VPS11: variants seen among roughly 807,000 people sequenced by gnomAD.
VPS11 encodes vacuolar protein sorting-associated protein 11 homolog.
VPS11 carries 51 observed loss-of-function variants against 106.8 expected under a neutral mutation model. That is an observed-to-expected ratio of 0.48 (90% CI 0.38 to 0.60). The LOEUF (loss-of-function observed/expected upper bound fraction) is 0.60. Among genes scored for constraint, VPS11 ranks in the 20% least tolerant of loss-of-function variants. The probability of loss-of-function intolerance (pLI) is 0.00; values close to 1 mark genes in which losing one functional copy is unlikely to be tolerated. For synonymous variants in VPS11, 453 were observed against 458.7 expected, an observed-to-expected ratio of 0.99 and a Z score of 0.16; for missense variants, 950 against 1,190.0, an observed-to-expected ratio of 0.80 and a Z score of 2.97.
Position 119,074,606 on chromosome 11 carries a change from C to T in VPS11, c.1238+655C>T, listed in dbSNP as rs185992354. 7.9e-3 allele frequency among the ~76,000 whole-genome samples: 1,204 copies of T among 151,986 alleles called. 8 individuals carry two copies. Among genetic ancestry groups the T allele is most frequent in the Middle Eastern group, 0.038 (11 of 292 alleles). On this transcript the variant is annotated intron_variant, in intron 7 of 15. Coordinates refer to ENST00000621676, the MANE Select transcript of VPS11 (RefSeq NM_021729.6). Reference sequence around the variant, plus strand: ...TTTTAGTAGAGACGGGGTTTCACCACGTTCTCTAGGCTGGTCTCGAACTCC... The same window carrying T: ...TTTTAGTAGAGACGGGGTTTCACCATGTTCTCTAGGCTGGTCTCGAACTCC...
chr11:119,078,514 C>A, intron 11 of VPS11, 51 bp from the exon 12 acceptor site: 1 of 1,596,596 alleles, frequency 6.3e-7, no homozygotes, highest in Non-Finnish European at 8.6e-7. Flanking sequence ...TCCCAAGAGA[C>A]CTTGTGATTT....
At position 119,078,724 on chromosome 11, in the gene VPS11, C is replaced by T. The variant is rs782488332; in HGVS notation, c.2063+20C>T. On this transcript the variant is annotated intron_variant, in intron 12 of 15. Coordinates refer to ENST00000621676, the MANE Select transcript of VPS11 (RefSeq NM_021729.6). ...GAAGCTGTAAGAGTTTGGGGAATTT[C>T]AGGGAAAGGGGAAGAATCCAAGTCA... The T allele has an allele frequency of 6.8e-6, 11 of 1,609,516 alleles. 1 individual carries two copies. The South Asian group carries it at 9.9e-5, about 15-fold the overall frequency.
intron 5 of VPS11, chr11:119,072,435 G>A (rs1945434599): frequency 1.3e-5 from 2 of 154,208 alleles, no homozygotes; most frequent in Non-Finnish European, 2.9e-5. Context: ...CTATTGCCCA[G>A]GCTGGAGTGC....
At position 119,067,968 on chromosome 11, in the gene VPS11, A is replaced by T; in HGVS notation, c.145A>T (p.Ile49Phe). The T allele has an allele frequency of 1.2e-6, 2 of 1,612,982 alleles. No individual in the cohort carries two copies. The highest frequency in any genetic ancestry group is 1.7e-6 in the Non-Finnish European group (2 of 1,179,484). ...CAAGTTCCTTTGCCTCCCTCCTGGC[A>T]TCACTGTCTGCGACTCAGGCCGAGG... is the stretch of plus-strand genomic sequence containing the variant. ...ASKFLCLPPG[I>F]TVCDSGRGSL... Residue 49 changes from isoleucine to phenylalanine, a missense_variant, in exon 1 of 16, where the codon ATC (isoleucine) becomes TTC (phenylalanine). This residue lies in a region of VPS11 where 435 missense variants were observed against 630.2 expected (regional missense o/e 0.69). Transcript: ENST00000621676.
At position 119,068,443 on chromosome 11, in the gene VPS11, C is replaced by CTTTTTTTTTTTTTTT. The variant is rs1945208004; in HGVS notation, c.187+433_187+434insTTTTTTTTTTTTTTT. Reference sequence around the variant, plus strand: ...CTGCTACTAAATTCTGGCCTTTTTACCTTTTTTTTTTTTTTTTTTTTTTTG... The same window carrying CTTTTTTTTTTTTTTT: ...CTGCTACTAAATTCTGGCCTTTTTACTTTTTTTTTTTTTTTCTTTTTTTTTTTTTTTTTTTTTTTG... On this transcript the variant is annotated intron_variant, in intron 1 of 15. Coordinates refer to ENST00000621676, the MANE Select transcript of VPS11 (RefSeq NM_021729.6). 8.4e-5 allele frequency among the ~76,000 whole-genome samples: 3 copies of CTTTTTTTTTTTTTTT among 35,810 alleles called. 1 individual carries two copies. Among genetic ancestry groups the CTTTTTTTTTTTTTTT allele is most frequent in the Admixed American group, 4.2e-4 (1 of 2,384 alleles). The allele number at this position is 35,810 out of a possible 152,430, so 23.5% of individuals were successfully genotyped here.
rs782599678 is a variant in VPS11 at position 119,078,921 on chromosome 11, G to A, written c.2190G>A (p.Lys730=). The A allele has an allele frequency of 1.2e-6, 2 of 1,614,058 alleles. No homozygotes were observed. Among genetic ancestry groups the A allele is most frequent in the Non-Finnish European group, 1.7e-6 (2 of 1,179,900 alleles). ...WEQALSYFAR[K]EEDCKEYVAA... ...AGGCCCTCAGCTACTTCGCTCGCAA[G>A]GAGGAGGACTGCAAGGAGTATGTGG... The change falls in exon 13 of 16, where the codon AAG becomes AAA. Residue 730 remains lysine (K), a synonymous_variant. Coordinates refer to ENST00000621676, the MANE Select transcript of VPS11 (RefSeq NM_021729.6).
At chr11:119,078,429 G>T (rs1945719292) in intron 11 of VPS11, 95 bp downstream of exon 11, 1 of 1,573,406 alleles carries the variant, frequency 6.4e-7, no homozygotes, top group Admixed American at 1.7e-5. Flanking sequence ...CCTTAGACCA[G>T]TAACACCTTA....
At chr11:119,073,511 T>A in intron 6 of VPS11, 112 bp downstream of exon 6, 1 of 1,313,614 alleles carries the variant, frequency 7.6e-7, no homozygotes. Context: ...GTCACAGCCT[T>A]ACTCAGCTTC....
At chr11:119,069,143 G>C (rs1164052068) in intron 1 of VPS11, 53 bp from the exon 2 acceptor site, 2 of 1,605,560 alleles carry the variant, frequency 1.2e-6, no homozygotes, top group Non-Finnish European at 1.7e-6. Flanking sequence ...CTGAGTTCTG[G>C]TCTGAATGTA....
rs555370311 is a variant in VPS11, at chr11:119,075,915, G to GATA, written c.1239-965_1239-963dup. On this transcript the variant is annotated intron_variant, in intron 7 of 15. Coordinates refer to ENST00000621676, the MANE Select transcript of VPS11 (RefSeq NM_021729.6). ...AGACTCTATCAAAAAAATAATAGTA[G>GATA]ATAATAATAATAATAATAAATAAAT... Among the ~76,000 whole-genome samples, 476 of 133,468 alleles carry GATA rather than the reference G, an allele frequency of 3.6e-3. 2 individuals are homozygous for GATA. Among genetic ancestry groups the GATA allele is most frequent in the South Asian group, 0.017 (70 of 4,044 alleles). The allele number at this position is 133,468 out of a possible 152,430, so 87.6% of individuals were successfully genotyped here.
At chr11:119,072,191 C>G in intron 5 of VPS11, 1 of 242,342 alleles carries the variant, frequency 4.1e-6, no homozygotes, top group South Asian at 5.5e-5. Flanking sequence ...GTGTCAGACT[C>G]CTGACCTCAA....
intron 1 of VPS11, 133 bp from the exon 2 acceptor site, chr11:119,069,063 C>T (rs4938622): frequency 6.8e-6 from 7 of 1,033,368 alleles, no homozygotes; most frequent in African/African-American, 1.6e-5. Flanking sequence ...CCTGGCCTCA[C>T]TCTTTTTAAG....
intron 4 of VPS11, among the ~76,000 whole-genome samples, chr11:119,071,345 A>T (rs1455830717): frequency 1.3e-5 from 2 of 152,202 alleles, no homozygotes; most frequent in African/African-American, 4.8e-5. Flanking sequence ...AAAGTAGTAG[A>T]TTATTACATT....
intron 11 of VPS11, 38 bp downstream of exon 11, chr11:119,078,372 C>A: frequency 1.3e-6 from 2 of 1,599,836 alleles, no homozygotes; most frequent in East Asian, 4.5e-5. Context: ...AAAGACAGTT[C>A]GTGCCGTCTC....
At chr11:119,071,950 T>C (rs1463271912) in intron 5 of VPS11, 107 bp downstream of exon 5, 51 of 1,396,270 alleles carry the variant, frequency 3.7e-5, no homozygotes, top group Non-Finnish European at 3.5e-5. Flanking sequence ...CTACTCCTAC[T>C]CCGGTGTTAT....
Position 119,069,507 on chromosome 11 carries a change from T to A in VPS11, c.402T>A (p.Ala134=). 1 of 1,614,038 alleles carries A rather than the reference T, an allele frequency of 6.2e-7. No individual in the cohort carries two copies. The highest frequency in any genetic ancestry group is 1.1e-5 in the South Asian group (1 of 91,088). The change falls in exon 3 of 16, where the codon GCT becomes GCA. Residue 134 remains alanine (A), a synonymous_variant. Transcript: ENST00000621676. ...CACTCTGCACTCGAATCTTCCCTGC[T>A]ATTCCAGGAACAGAGCCAACTGTTG... The part of the protein sequence containing the change: ...GNPLCTRIFP[A]IPGTEPTVVS...
intron 5 of VPS11, 152 bp from the exon 6 acceptor site, chr11:119,073,046 C>T (rs538363905): frequency 5.0e-6 from 4 of 806,932 alleles, no homozygotes; most frequent in Non-Finnish European, 5.9e-6. Flanking sequence ...CTATGTACAA[C>T]TACCGGCACA....
chr11:119,079,014 A>G lies in VPS11; in HGVS notation c.2266+17A>G. 6.2e-7 allele frequency: 1 copy of G among 1,613,572 alleles called. No homozygotes were observed. Among genetic ancestry groups the G allele is most frequent in the Non-Finnish European group, 8.5e-7 (1 of 1,179,474 alleles). The stretch of plus-strand genomic sequence containing the variant: ...CTCTTCTAGGTACTTGGGAAGACAG[A>G]TGGGTGGGTGACAAGCTGCTGACAG... On this transcript the variant is annotated intron_variant, in intron 13 of 15. Coordinates refer to ENST00000621676, the MANE Select transcript of VPS11 (RefSeq NM_021729.6).
At chr11:119,076,788 T>C in intron 7 of VPS11, 109 bp from the exon 8 acceptor site, 1 of 1,289,620 alleles carries the variant, frequency 7.8e-7, no homozygotes, top group Non-Finnish European at 1.1e-6. Context: ...CCACTCCAGA[T>C]CCACTGAAAT....
Sources: allele counts gnomAD v4.1 joint callset (sites outside exome capture counted in the v4.1 genomes callset), GRCh38; gene constraint gnomAD v4.1.1; regional missense constraint gnomAD v4.1.1; transcripts MANE v1.5; gene names NCBI Gene and HGNC (gene_info 2026-07-23, HGNC 2026-07-21).